ERI3: variants seen among roughly 807,000 people sequenced by gnomAD.
ERI3 encodes the protein ERI1 exoribonuclease family member 3.
Under a neutral mutation model 44.4 loss-of-function variants are expected in ERI3, and 18 were observed. That is an observed-to-expected ratio of 0.41 (90% CI 0.28 to 0.60). The LOEUF is 0.60. ERI3 is among the 20% of genes least tolerant of loss of function. The probability of loss-of-function intolerance (pLI) is 0.36; values close to 1 mark genes in which losing one functional copy is unlikely to be tolerated. For synonymous variants in ERI3, 183 were observed against 164.8 expected (o/e 1.11, Z -0.84); for missense variants, 294 against 435.5 (o/e 0.68, Z 2.89).
intron 6 of ERI3, among the ~76,000 whole-genome samples, chr1:44,302,310 C>A (rs942891819): frequency 2.0e-5 from 3 of 152,192 alleles, no homozygotes; most frequent in African/African-American, 7.2e-5. Context: ...GAGGGGAGCC[C>A]AAGCACTTGC....
rs1646233821 is a variant in ERI3 at position 44,322,951 on chromosome 1, G to T, written c.490-3207C>A. 3.5e-6 allele frequency: 5 copies of T among 1,420,246 alleles called. No individual in the cohort carries two copies. In the African/African-American group the frequency reaches 4.3e-5, roughly 12 times the overall value. The allele number at this position is 1,420,246 out of a possible 1,614,324, so 88.0% of individuals were successfully genotyped here. A position where few individuals can be genotyped will look rare whatever the true frequency, so the allele number is the denominator to read the frequency against. ...GGCATTAATCCCAACACAAAGATTT[G>T]TGACAATGTGCCCAAGTGCCAGCCT... On this transcript the variant is annotated intron_variant, in intron 3 of 8. Coordinates refer to ENST00000372257, the MANE Select transcript of ERI3 (RefSeq NM_024066.3).
Position 44,250,202 on chromosome 1 carries a change from G to A in ERI3, c.832-2164C>T, listed in dbSNP as rs116280768. Among the ~76,000 whole-genome samples, 821 of 152,316 alleles carry A rather than the reference G, an allele frequency of 5.4e-3. 5 individuals are homozygous for A. The highest frequency in any genetic ancestry group is 0.018 in the African/African-American group (755 of 41,578). On this transcript the variant is annotated intron_variant, in intron 7 of 8. Transcript: ENST00000372257. ...CCAGCCCATCAAATATTAAACACTT[G>A]CATTAGCAGGTGCTGCCGCTTCCCA...
intron 6 of ERI3, among the ~76,000 whole-genome samples, chr1:44,294,609 GT>G (rs1645572749): frequency 6.6e-6 from 1 of 152,238 alleles, no homozygotes; most frequent in African/African-American, 2.4e-5. Context: ...GACTGTAGAA[GT>G]GCTGGAGCTG....
At chr1:44,279,212 A>C (rs1440749000) in intron 7 of ERI3, among the ~76,000 whole-genome samples, 2 of 150,686 alleles carry the variant, frequency 1.3e-5, no homozygotes, top group African/African-American at 4.8e-5. Flanking sequence ...TATCAATCAC[A>C]GACCAATAAC....
intron 7 of ERI3, among the ~76,000 whole-genome samples, chr1:44,260,485 T>G (rs938845650): frequency 6.6e-6 from 1 of 152,054 alleles, no homozygotes; most frequent in Non-Finnish European, 1.5e-5. Context: ...GACCTTCTGG[T>G]TACAAAGATG....
intron 6 of ERI3, 151 bp from the exon 7 acceptor site, chr1:44,285,058 A>C: frequency 1.6e-6 from 1 of 638,190 alleles, no homozygotes; most frequent in Non-Finnish European, 2.8e-6. Context: ...AAAGAAAGGG[A>C]ACCCCACCTC....
At chr1:44,283,565 C>T (rs942584056) in intron 7 of ERI3, among the ~76,000 whole-genome samples, 1 of 152,302 alleles carries the variant, frequency 6.6e-6, no homozygotes, top group East Asian at 1.9e-4. Flanking sequence ...CAGGGGAGTG[C>T]GTAGCTTTTT....
intron 8 of ERI3, among the ~76,000 whole-genome samples, chr1:44,232,836 A>G (rs1644217739): frequency 6.6e-6 from 1 of 152,112 alleles, no homozygotes; most frequent in South Asian, 2.1e-4. Flanking sequence ...CTAGGTACAC[A>G]CTGATTATTA....
Position 44,247,948 on chromosome 1 carries a change from T to C in ERI3, c.922A>G (p.Ser308Gly), listed in dbSNP as rs753774956. Residue 308 changes from serine to glycine, a missense_variant, in exon 8 of 9, where the codon AGC becomes GGC. By Grantham distance (56) the Ser-to-Gly change is moderately conservative. Around this residue, in one of 2 missense-constraint regions of ERI3, gnomAD observed 187 missense variants for 338.6 expected, o/e 0.55. Transcript: ENST00000372257. ...ATGCGAAGGGACTGACCAATGCCGC[T>C]GTGGGGCCGGCCTATGTGTTGCAGG... The part of the protein sequence containing the change: ...LSLQHIGRPH[S>G]GIDDCKNIAN... The C allele has an allele frequency of 6.2e-7, 1 of 1,612,256 alleles. No homozygotes were observed. Among genetic ancestry groups the C allele is most frequent in the Non-Finnish European group, 8.5e-7 (1 of 1,179,104 alleles).
chr1:44,227,259 G>T (rs1336704445), intron 8 of ERI3, among the ~76,000 whole-genome samples: 2 of 152,204 alleles, frequency 1.3e-5, no homozygotes, highest in Non-Finnish European at 2.9e-5. Context: ...TTCAGGACAT[G>T]GTGAGGAATG....
chr1:44,271,736 G>A (rs1645091837), intron 7 of ERI3, among the ~76,000 whole-genome samples: 1 of 152,220 alleles, frequency 6.6e-6, no homozygotes, highest in African/African-American at 2.4e-5. Context: ...CCAAGGTTCA[G>A]AGAAGGTAAG....
intron 6 of ERI3, among the ~76,000 whole-genome samples, chr1:44,294,201 G>C (rs1183452792): frequency 2.0e-5 from 3 of 152,232 alleles, no homozygotes; most frequent in African/African-American, 7.2e-5. Flanking sequence ...TGCTACTCTG[G>C]AGAGTTCCCA....
At chr1:44,313,340 C>G in intron 4 of ERI3, 112 bp from the exon 5 acceptor site, 2 of 965,842 alleles carry the variant, frequency 2.1e-6, no homozygotes, top group Non-Finnish European at 3.2e-6. Flanking sequence ...GGGCTCTGAT[C>G]TGGCACTGCT....
At chr1:44,273,726 T>G (rs1335635421) in intron 7 of ERI3, among the ~76,000 whole-genome samples, 1 of 152,198 alleles carries the variant, frequency 6.6e-6, no homozygotes, top group Non-Finnish European at 1.5e-5. Context: ...AGTGACTATT[T>G]CTACCAGAGA....
chr1:44,315,813 C>A (rs1233638618), intron 4 of ERI3, among the ~76,000 whole-genome samples: 1 of 152,186 alleles, frequency 6.6e-6, no homozygotes, highest in African/African-American at 2.4e-5. Flanking sequence ...ATGGACCACC[C>A]CTTTTCAGCT....
intron 6 of ERI3, among the ~76,000 whole-genome samples, chr1:44,291,530 T>C (rs1645506838): frequency 6.6e-6 from 1 of 152,164 alleles, no homozygotes; most frequent in Non-Finnish European, 1.5e-5. Context: ...TACCCTTGGT[T>C]GGCCATAAAC....
chr1:44,352,025 C>G (rs1646901099), intron 2 of ERI3, among the ~76,000 whole-genome samples: 1 of 152,188 alleles, frequency 6.6e-6, no homozygotes, highest in Non-Finnish European at 1.5e-5. Flanking sequence ...CTATCAGTCT[C>G]TCCCATGAAT....
At chr1:44,255,973 T>C (rs1644771339) in intron 7 of ERI3, among the ~76,000 whole-genome samples, 1 of 152,278 alleles carries the variant, frequency 6.6e-6, no homozygotes, top group Non-Finnish European at 1.5e-5. Context: ...TCCTTTATAG[T>C]CTTTCCTGGC....
intron 6 of ERI3, among the ~76,000 whole-genome samples, chr1:44,293,143 A>G (rs1572205150): frequency 6.6e-6 from 1 of 152,310 alleles, no homozygotes; most frequent in African/African-American, 2.4e-5. Context: ...TATTTTCCCA[A>G]AGCCCTGTTA....
Sources: allele counts gnomAD v4.1 joint callset (sites outside exome capture counted in the v4.1 genomes callset), GRCh38; gene constraint gnomAD v4.1.1; regional missense constraint gnomAD v4.1.1; transcripts MANE v1.5; gene names NCBI Gene and HGNC (gene_info 2026-07-23, HGNC 2026-07-21).